PATJ: variants seen among roughly 807,000 people sequenced by gnomAD.
PATJ encodes inaD-like protein.
A neutral mutation model predicts 224.9 loss-of-function variants in PATJ; 190 were observed. The ratio of observed to expected loss-of-function variants is 0.84; its 90% CI spans 0.75 to 0.95. The LOEUF is 0.95. Ranked by LOEUF, PATJ falls within the 40% of genes least tolerant of loss-of-function variation. The pLI is 0.00. For synonymous variants in PATJ, 769 were observed against 820.3 expected (o/e 0.94, Z 1.07); for missense variants, 2,121 against 2,270.3 (o/e 0.93, Z 1.34).
chr1:62,079,170 G>A (rs1350233584), intron 31 of PATJ, among the ~76,000 whole-genome samples: 1 of 152,016 alleles, frequency 6.6e-6, no homozygotes, highest in Non-Finnish European at 1.5e-5. Context: ...CCCACCCCCA[G>A]CTTCATGTAC....
chr1:61,875,379 T>C lies in PATJ; in HGVS notation c.2959+13T>C. ...AGTCTGGATTTAGGTTTGTGACTTT[T>C]GTTTCTCATAAACACAAATTACATT... On this transcript the variant is annotated intron_variant, in intron 21 of 43. Coordinates refer to ENST00000642238, the MANE Select transcript of PATJ (RefSeq NM_001350145.3). 6 of 1,592,322 alleles carry C rather than the reference T, an allele frequency of 3.8e-6. No homozygotes were observed. Among genetic ancestry groups the C allele is most frequent in the Non-Finnish European group, 5.1e-6 (6 of 1,171,682 alleles).
At chr1:62,107,361 A>G (rs1195285627) in intron 33 of PATJ, among the ~76,000 whole-genome samples, 1 of 151,826 alleles carries the variant, frequency 6.6e-6, no homozygotes, top group African/African-American at 2.4e-5. Context: ...TAAGACACCT[A>G]TCATAATCCA....
At chr1:61,975,704 G>A (rs1197426778) in intron 27 of PATJ, among the ~76,000 whole-genome samples, 6 of 151,910 alleles carry the variant, frequency 3.9e-5, no homozygotes, top group South Asian at 2.1e-4. Flanking sequence ...TCTCTGCCTC[G>A]TCCAGGTGTT....
chr1:61,993,323 G>A (rs1167211748), intron 28 of PATJ, among the ~76,000 whole-genome samples: 1 of 152,112 alleles, frequency 6.6e-6, no homozygotes, highest in Non-Finnish European at 1.5e-5. Flanking sequence ...TGAAGGGGAG[G>A]GCAGAGTTTC....
intron 27 of PATJ, among the ~76,000 whole-genome samples, chr1:61,978,975 A>G (rs984325289): frequency 1.3e-5 from 2 of 152,060 alleles, no homozygotes; most frequent in African/African-American, 4.8e-5. Flanking sequence ...GAGAAATGTT[A>G]TTGACTTTCT....
chr1:61,997,982 T>TTTTTTTTA (rs374175697), intron 28 of PATJ, among the ~76,000 whole-genome samples: 4 of 118,330 alleles, frequency 3.4e-5, no homozygotes, highest in African/African-American at 3.9e-5. Context: ...TGTGCCCAGC[T>TTTTTTTTA]TATATATGTA....
At chr1:61,988,693 C>T (rs68081851) in intron 27 of PATJ, among the ~76,000 whole-genome samples, 10,271 of 152,190 alleles carry the variant, frequency 0.067, 802 homozygotes, top group East Asian at 0.39. Flanking sequence ...TAAGCCCCCC[C>T]TTGTGCTTTA....
intron 27 of PATJ, chr1:61,952,260 G>GAGAGAGAGAGAGAC (rs1679803399): frequency 1.7e-6 from 1 of 575,284 alleles, no homozygotes; most frequent in African/African-American, 2.0e-5. Flanking sequence ...ATCTGAGAGA[G>GAGAGAGAGAGAGAC]AGAGAGAGAG....
At chr1:62,049,087 A>AT (rs967525182) in intron 30 of PATJ, among the ~76,000 whole-genome samples, 1 of 151,338 alleles carries the variant, frequency 6.6e-6, no homozygotes, top group Non-Finnish European at 1.5e-5. Context: ...GCTTTCTTTA[A>AT]TTTTTTTTTC....
intron 27 of PATJ, among the ~76,000 whole-genome samples, chr1:61,977,598 TGA>T (rs1644210646): frequency 6.6e-6 from 1 of 151,938 alleles, no homozygotes; most frequent in Non-Finnish European, 1.5e-5. Flanking sequence ...CCCCCAGGGA[TGA>T]GGGGTTGAGT....
chr1:61,889,436 TCTTATCTTCAAGGGATATGTTCCA>T lies in PATJ; in HGVS notation c.3131+5029_3131+5052del, dbSNP rs891556508. 3.1e-4 allele frequency among the ~76,000 whole-genome samples: 47 copies of T among 152,288 alleles called. 1 individual carries two copies. The highest frequency in any genetic ancestry group is 3.4e-3 in the Middle Eastern group (1 of 294). On this transcript the variant is annotated intron_variant, in intron 22 of 43. Transcript: ENST00000642238. Reference sequence around the variant, plus strand: ...TCTGGTTCAGAGCACAGTAGTCCCTTCTTATCTTCAAGGGATATGTTCCAAGAACCCCACTGCGTGCCTGAAACC... The same window carrying T: ...TCTGGTTCAGAGCACAGTAGTCCCTTAGAACCCCACTGCGTGCCTGAAACC...
At chr1:62,119,423 G>A (rs372733319) in intron 37 of PATJ, among the ~76,000 whole-genome samples, 14 of 152,286 alleles carry the variant, frequency 9.2e-5, no homozygotes, top group African/African-American at 2.6e-4. Flanking sequence ...GGAGATCAAT[G>A]CCTTCTTTTG....
chr1:61,890,065 A>T (rs1006834301), intron 22 of PATJ, among the ~76,000 whole-genome samples: 1 of 152,112 alleles, frequency 6.6e-6, no homozygotes, highest in African/African-American at 2.4e-5. Context: ...TGTGGTGTGG[A>T]TGTATTATGA....
At chr1:62,027,959 C>T (rs1053159108) in intron 29 of PATJ, among the ~76,000 whole-genome samples, 1 of 151,706 alleles carries the variant, frequency 6.6e-6, no homozygotes, top group African/African-American at 2.4e-5. Context: ...TTGATTGTGC[C>T]CTTTGATATA....
In PATJ at chr1:62,151,360, G is replaced by A. The variant is rs550240958; in HGVS notation, c.5379-1998G>A. Among the ~76,000 whole-genome samples the A allele has an allele frequency of 1.2e-3, 186 of 151,936 alleles. 2 individuals carry two copies. The highest frequency in any genetic ancestry group is 2.1e-3 in the Non-Finnish European group (145 of 67,956). Reference sequence around the variant, plus strand: ...TCCCAGCACTTTGGGAGGCTGAGGCGGGCAGATCATGAGGTCAGGAGATCG... The same window carrying A: ...TCCCAGCACTTTGGGAGGCTGAGGCAGGCAGATCATGAGGTCAGGAGATCG... On this transcript the variant is annotated intron_variant, in intron 42 of 43. Coordinates refer to ENST00000642238, the MANE Select transcript of PATJ (RefSeq NM_001350145.3).
At chr1:61,930,540 T>C (rs1675874305) in intron 27 of PATJ, among the ~76,000 whole-genome samples, 1 of 152,124 alleles carries the variant, frequency 6.6e-6, no homozygotes, top group African/African-American at 2.4e-5. Context: ...GAAGTGCTGA[T>C]TTTATTAGAG....
chr1:62,140,498 C>A (rs886382829), intron 41 of PATJ, among the ~76,000 whole-genome samples: 40 of 151,978 alleles, frequency 2.6e-4, no homozygotes, highest in African/African-American at 9.4e-4. Flanking sequence ...ACTAAAAATA[C>A]AAAAATTAGC....
chr1:62,009,821 A>C (rs1257819582), intron 28 of PATJ, among the ~76,000 whole-genome samples: 1 of 152,118 alleles, frequency 6.6e-6, no homozygotes, highest in Non-Finnish European at 1.5e-5. Context: ...CTGGTGGCTC[A>C]CGCCTGTAAT....
At chr1:61,826,606 A>T (rs1457981651) in intron 15 of PATJ, among the ~76,000 whole-genome samples, 1 of 152,208 alleles carries the variant, frequency 6.6e-6, no homozygotes, top group Non-Finnish European at 1.5e-5. Context: ...TATGTAGCCA[A>T]ATCATCTTTG....
Sources: gnomAD v4.1 joint callset for allele counts (sites outside exome capture counted in the v4.1 genomes callset) on GRCh38, gnomAD v4.1.1 for gene constraint, MANE v1.5 for transcripts, NCBI Gene and HGNC (gene_info 2026-07-23, HGNC 2026-07-21) for gene names.